Variants in BLOC1S5 observed in about 807,000 individuals in gnomAD.
The protein encoded by BLOC1S5 is biogenesis of lysosome-related organelles complex 1 subunit 5.
A neutral mutation model predicts 24.3 loss-of-function variants in BLOC1S5; 27 were observed. That is an observed-to-expected ratio of 1.11 (90% CI 0.82 to 1.53). The LOEUF (loss-of-function observed/expected upper bound fraction) is 1.53, where lower values mean the gene tolerates loss of function less well. BLOC1S5 is among the 40% of genes most tolerant of loss of function. The pLI is 0.00. For missense variants in BLOC1S5, 239 were observed against 229.4 expected (o/e 1.04, Z -0.27); for synonymous variants, 84 against 74.5 (o/e 1.13, Z -0.66).
chr6:8,044,726 G>C (rs1763819256), intron 2 of BLOC1S5, among the ~76,000 whole-genome samples: 1 of 152,210 alleles, frequency 6.6e-6, no homozygotes, highest in Non-Finnish European at 1.5e-5. Flanking sequence ...TTAGCAAAGA[G>C]ACTGGTGGCA....
At chr6:8,034,956 TAC>T (rs367754967) in intron 3 of BLOC1S5, among the ~76,000 whole-genome samples, 19 of 150,080 alleles carry the variant, frequency 1.3e-4, no homozygotes, top group South Asian at 4.2e-4. Context: ...CACATATGCA[TAC>T]ACACACACAC....
At chr6:8,018,841 ATAAT>A (rs1339993115) in intron 4 of BLOC1S5, among the ~76,000 whole-genome samples, 1 of 152,208 alleles carries the variant, frequency 6.6e-6, no homozygotes, top group Non-Finnish European at 1.5e-5. Flanking sequence ...TTTAATTTTA[ATAAT>A]TTACTTTTAG....
chr6:8,023,120 C>T (rs1352499947), intron 4 of BLOC1S5, among the ~76,000 whole-genome samples: 1 of 152,170 alleles, frequency 6.6e-6, no homozygotes, highest in East Asian at 1.9e-4. Context: ...CTCATCTCCA[C>T]CGGTGGCATA....
At chr6:8,038,805 A>G (rs1489522988) in intron 3 of BLOC1S5, among the ~76,000 whole-genome samples, 1 of 152,196 alleles carries the variant, frequency 6.6e-6, no homozygotes, top group African/African-American at 2.4e-5. Context: ...TATTAAAAAG[A>G]TGAAGAATAA....
chr6:8,052,642 C>T (rs1280431910), intron 2 of BLOC1S5, among the ~76,000 whole-genome samples: 2 of 151,110 alleles, frequency 1.3e-5, no homozygotes, highest in Non-Finnish European at 2.9e-5. Flanking sequence ...CCTGTAATCC[C>T]AGCACTTTGG....
chr6:8,047,414 C>G (rs1763944382), intron 2 of BLOC1S5, among the ~76,000 whole-genome samples: 1 of 152,004 alleles, frequency 6.6e-6, no homozygotes, highest in African/African-American at 2.4e-5. Flanking sequence ...TCCCATCTCT[C>G]TATAAAAGAC....
intron 3 of BLOC1S5, among the ~76,000 whole-genome samples, chr6:8,039,714 T>A (rs78036058): frequency 0.039 from 5,943 of 152,128 alleles, 367 homozygotes; most frequent in African/African-American, 0.13. Flanking sequence ...ATGAACAAAT[T>A]ACTAGTGAGT....
intron 3 of BLOC1S5, among the ~76,000 whole-genome samples, chr6:8,030,818 G>C (rs1320528648): frequency 7.0e-6 from 1 of 141,878 alleles, no homozygotes; most frequent in Non-Finnish European, 1.5e-5. Context: ...GTTGCAGTGA[G>C]CCAAGATCAC....
intron 3 of BLOC1S5, among the ~76,000 whole-genome samples, chr6:8,027,612 T>C (rs1053110416): frequency 1.3e-5 from 2 of 152,202 alleles, no homozygotes; most frequent in Non-Finnish European, 2.9e-5. Context: ...GGCGGGCAGA[T>C]CACCTGAAGT....
At chr6:8,063,715 G>T (rs1051929769) in intron 1 of BLOC1S5, among the ~76,000 whole-genome samples, 1 of 152,214 alleles carries the variant, frequency 6.6e-6, no homozygotes, top group African/African-American at 2.4e-5. Context: ...ACCTAAAGCA[G>T]ATTCTGTGAG....
At chr6:8,044,472 G>A (rs898435330) in intron 2 of BLOC1S5, among the ~76,000 whole-genome samples, 3 of 152,112 alleles carry the variant, frequency 2.0e-5, no homozygotes, top group African/African-American at 4.8e-5. Context: ...GGGCGTGGCT[G>A]AAAAGATAGA....
At chr6:8,047,025 A>T (rs1389196126) in intron 2 of BLOC1S5, among the ~76,000 whole-genome samples, 3 of 151,100 alleles carry the variant, frequency 2.0e-5, no homozygotes, top group Non-Finnish European at 2.9e-5. Context: ...CTCAAGCAAT[A>T]CTCCCACCCT....
At chr6:8,051,489 G>A (rs978961569) in intron 2 of BLOC1S5, among the ~76,000 whole-genome samples, 3 of 152,198 alleles carry the variant, frequency 2.0e-5, no homozygotes, top group Non-Finnish European at 2.9e-5. Flanking sequence ...AAATGCTAAC[G>A]TAGACTGCAA....
chr6:8,028,929 C>G (rs1162463040), intron 3 of BLOC1S5, among the ~76,000 whole-genome samples: 1 of 151,886 alleles, frequency 6.6e-6, no homozygotes, highest in Non-Finnish European at 1.5e-5. Context: ...AAGTCATTTC[C>G]CCTGTTATCT....
At position 8,044,456 on chromosome 6, in the gene BLOC1S5, A is replaced by G. The variant is rs545567965; in HGVS notation, c.196-3188T>C. Among the ~76,000 whole-genome samples the G allele has an allele frequency of 7.2e-5, 11 of 152,236 alleles. No individual in the cohort carries two copies. The South Asian group carries it at 2.3e-3, about 32-fold the overall frequency. ...ACTAATACAGTAAATTGGTACCAGT[A>G]GAGTGGGGCGTGGCTGAAAAGATAG... On this transcript the variant is annotated intron_variant, in intron 2 of 4. Coordinates refer to ENST00000397457, the MANE Select transcript of BLOC1S5 (RefSeq NM_201280.3).
chr6:8,043,924 G>C (rs542045639), intron 2 of BLOC1S5, among the ~76,000 whole-genome samples: 1 of 152,246 alleles, frequency 6.6e-6, no homozygotes, highest in South Asian at 2.1e-4. Flanking sequence ...ATAAGTCTCT[G>C]ATGGGCTTAT....
At chr6:8,062,930 C>T (rs1757316705) in intron 1 of BLOC1S5, among the ~76,000 whole-genome samples, 1 of 151,892 alleles carries the variant, frequency 6.6e-6, no homozygotes, top group South Asian at 2.1e-4. Context: ...GGTGTAATAT[C>T]AAAAGAAAAA....
At chr6:8,022,876 G>A (rs1274968958) in intron 4 of BLOC1S5, among the ~76,000 whole-genome samples, 6 of 140,920 alleles carry the variant, frequency 4.3e-5, no homozygotes, top group African/African-American at 9.6e-5. Context: ...GAGCCACCGC[G>A]CCCGGCCTCA....
chr6:8,018,409 T>C (rs1762812354), intron 4 of BLOC1S5, among the ~76,000 whole-genome samples: 1 of 152,246 alleles, frequency 6.6e-6, no homozygotes, highest in Non-Finnish European at 1.5e-5. Context: ...TACTCAGATG[T>C]TATTTAATTT....
Sources: allele counts gnomAD v4.1 joint callset (sites outside exome capture counted in the v4.1 genomes callset), GRCh38; gene constraint gnomAD v4.1.1; transcripts MANE v1.5; gene names NCBI Gene and HGNC (gene_info 2026-07-23, HGNC 2026-07-21).